CALN1: variants seen among roughly 807,000 people sequenced by gnomAD.
CALN1 encodes the protein calneuron 1.
CALN1 carries 17 observed loss-of-function variants against 30.6 expected under a neutral mutation model. The observed-to-expected ratio is 0.56, with a 90% CI of 0.38 to 0.83. CALN1 has a LOEUF of 0.83. Among genes scored for constraint, CALN1 ranks in the 40% least tolerant of loss-of-function variants. CALN1 has a pLI of 0.00. For synonymous variants in CALN1, 156 were observed against 131.4 expected, an observed-to-expected ratio of 1.19 and a Z score of -1.28; for missense variants, 291 against 354.9, an observed-to-expected ratio of 0.82 and a Z score of 1.45.
chr7:72,357,864 G>T (rs916642381), intron 2 of CALN1, among the ~76,000 whole-genome samples: 1 of 147,950 alleles, frequency 6.8e-6, no homozygotes, highest in African/African-American at 2.5e-5. Context: ...TTATATATAT[G>T]TGTGTTTTTT....
chr7:72,298,223 G>A (rs1233390960), intron 2 of CALN1, among the ~76,000 whole-genome samples: 1 of 142,922 alleles, frequency 7.0e-6, no homozygotes, highest in Non-Finnish European at 1.6e-5. Context: ...GACTGTTTAT[G>A]ACAGAAAGCG....
intron 5 of CALN1, among the ~76,000 whole-genome samples, chr7:71,955,931 G>A (rs994329474): frequency 1.1e-4 from 17 of 151,930 alleles, no homozygotes; most frequent in Admixed American, 3.9e-4. Context: ...TCTCAGAGCC[G>A]GCAGTTTCAC....
At chr7:71,903,382 G>T (rs1026220357) in intron 5 of CALN1, among the ~76,000 whole-genome samples, 1 of 152,062 alleles carries the variant, frequency 6.6e-6, no homozygotes, top group Admixed American at 6.6e-5. Flanking sequence ...AGAATAAAAA[G>T]CCCAGAAATA....
Position 72,214,687 on chromosome 7 carries a change from G to T in CALN1, c.244+63999C>A, listed in dbSNP as rs562976282. Reference sequence around the variant, plus strand: ...ACCACCAGGCAGTGACCTATTAGGAGCCGAGCCGCACAGCAGGAGGTGAGT... The same window carrying T: ...ACCACCAGGCAGTGACCTATTAGGATCCGAGCCGCACAGCAGGAGGTGAGT... On this transcript the variant is annotated intron_variant, in intron 3 of 6. Transcript: ENST00000395275. 2.4e-3 allele frequency among the ~76,000 whole-genome samples: 366 copies of T among 152,006 alleles called. 2 individuals are homozygous for T. Among genetic ancestry groups the T allele is most frequent in the Non-Finnish European group, 4.1e-3 (281 of 67,968 alleles).
chr7:71,904,110 A>G (rs1794003609), intron 5 of CALN1, among the ~76,000 whole-genome samples: 1 of 152,222 alleles, frequency 6.6e-6, no homozygotes, highest in African/African-American at 2.4e-5. Flanking sequence ...GGGAATGTAC[A>G]TTAGTGCAGC....
At chr7:72,067,956 G>C (rs1804137446) in intron 4 of CALN1, among the ~76,000 whole-genome samples, 1 of 152,184 alleles carries the variant, frequency 6.6e-6, no homozygotes. Flanking sequence ...CTCTGTATCT[G>C]CTTCTGTGTG....
In CALN1 at chr7:72,406,200, C is replaced by A. The variant is rs558813618; in HGVS notation, c.-73-2758G>T. On this transcript the variant is annotated intron_variant, in intron 1 of 6. Coordinates refer to ENST00000395275, the MANE Select transcript of CALN1 (RefSeq NM_031468.4). Reference sequence around the variant, plus strand: ...TCTCCCAGTCACAGCTGCCTGCTGGCGTAACGAGGGAAGCCAAGCAGCCCT... The same window carrying A: ...TCTCCCAGTCACAGCTGCCTGCTGGAGTAACGAGGGAAGCCAAGCAGCCCT... 8.5e-5 allele frequency among the ~76,000 whole-genome samples: 13 copies of A among 152,294 alleles called. No homozygotes were observed. The South Asian group carries it at 2.7e-3, about 32-fold the overall frequency.
chr7:72,352,962 T>A (rs1422634123), intron 2 of CALN1, among the ~76,000 whole-genome samples: 1 of 152,092 alleles, frequency 6.6e-6, no homozygotes, highest in Admixed American at 6.6e-5. Context: ...TATAAAGCAA[T>A]GTTATGACAA....
chr7:72,144,861 C>T (rs1563095584), intron 3 of CALN1, among the ~76,000 whole-genome samples: 1 of 152,146 alleles, frequency 6.6e-6, no homozygotes, highest in African/African-American at 2.4e-5. Context: ...CAACCTGCTC[C>T]TGAATGACTA....
At chr7:72,336,987 G>A (rs1802104591) in intron 2 of CALN1, 3 of 985,500 alleles carry the variant, frequency 3.0e-6, no homozygotes, top group East Asian at 1.1e-4. Context: ...GTGCCTCCCT[G>A]TCCTTGTCCT....
Position 72,270,431 on chromosome 7 carries a change from A to T in CALN1, c.244+8255T>A, listed in dbSNP as rs548519612. Among the ~76,000 whole-genome samples, 80 of 152,354 alleles carry T rather than the reference A, an allele frequency of 5.3e-4. 2 individuals carry two copies. The South Asian group carries it at 0.016, about 30-fold the overall frequency. ...TTTTAAGACTAAAGAAATATTTTTT[A>T]AAATGTATTTTTATTTGTATATACA... On this transcript the variant is annotated intron_variant, in intron 3 of 6. Coordinates refer to ENST00000395275, the MANE Select transcript of CALN1 (RefSeq NM_031468.4).
At chr7:72,081,417 G>GTATGTGTGTGTGTGTGTGTGTGTGTC (rs1554434302) in intron 4 of CALN1, among the ~76,000 whole-genome samples, 8 of 146,190 alleles carry the variant, frequency 5.5e-5, no homozygotes, top group African/African-American at 2.0e-4. Context: ...GTGTGTGTGT[G>GTATGTGTGTGTGTGTGTGTGTGTGTC]TGTGTGTTTG....
chr7:71,902,911 G>T (rs1006701572), intron 5 of CALN1, among the ~76,000 whole-genome samples: 1 of 151,888 alleles, frequency 6.6e-6, no homozygotes, highest in Non-Finnish European at 1.5e-5. Context: ...TAATTTATAA[G>T]AGCTAAACAG....
At position 72,111,146 on chromosome 7, in the gene CALN1, T is replaced by C. The variant is rs559768583; in HGVS notation, c.245-4852A>G. ...TCCATCTCATGCAACACGTGCACGT[T>C]AGACACTAGTATGCCAATTTTAACC... On this transcript the variant is annotated intron_variant, in intron 3 of 6. Coordinates refer to ENST00000395275, the MANE Select transcript of CALN1 (RefSeq NM_031468.4). Among the ~76,000 whole-genome samples, 120 of 152,340 alleles carry C rather than the reference T, an allele frequency of 7.9e-4. 1 individual carries two copies. Among genetic ancestry groups the C allele is most frequent in the African/African-American group, 2.6e-3 (110 of 41,582 alleles).
At chr7:71,937,577 C>T (rs1795911628) in intron 5 of CALN1, among the ~76,000 whole-genome samples, 1 of 152,138 alleles carries the variant, frequency 6.6e-6, no homozygotes, top group African/African-American at 2.4e-5. Flanking sequence ...TTCCTAGGCT[C>T]AAGGGATCCT....
At chr7:72,012,589 AAAT>A (rs1248125808) in intron 5 of CALN1, among the ~76,000 whole-genome samples, 1 of 152,150 alleles carries the variant, frequency 6.6e-6, no homozygotes, top group Non-Finnish European at 1.5e-5. Context: ...CTTTTTCCCA[AAAT>A]ATGAGTTTTC....
chr7:72,003,453 G>A (rs757912045), intron 5 of CALN1, among the ~76,000 whole-genome samples: 11 of 152,222 alleles, frequency 7.2e-5, no homozygotes, highest in Non-Finnish European at 1.2e-4. Context: ...GGACTGCACA[G>A]CAGAGGGAGA....
upstream of CALN1, among the ~76,000 whole-genome samples, chr7:72,448,904 C>T (rs1808603201): frequency 6.6e-6 from 1 of 152,150 alleles, no homozygotes; most frequent in Non-Finnish European, 1.5e-5. Context: ...CGCACCCGGC[C>T]GCATGATCTT....
intron 3 of CALN1, among the ~76,000 whole-genome samples, chr7:72,139,666 G>A (rs1351364866): frequency 5.9e-5 from 9 of 151,906 alleles, no homozygotes; most frequent in Admixed American, 5.9e-4. Flanking sequence ...CCTCGGCCAT[G>A]TCCACCCTCT....
Sources: allele counts gnomAD v4.1 joint callset (sites outside exome capture counted in the v4.1 genomes callset), GRCh38; gene constraint gnomAD v4.1.1; transcripts MANE v1.5; gene names NCBI Gene and HGNC (gene_info 2026-07-23, HGNC 2026-07-21).